C3orf70: variants seen among roughly 807,000 people sequenced by gnomAD.
C3orf70 encodes UPF0524 protein C3orf70.
In C3orf70, 15 loss-of-function variants were observed where a neutral mutation model predicts 20.7. The ratio of observed to expected loss-of-function variants is 0.72; its 90% CI spans 0.48 to 1.11. C3orf70 has a LOEUF of 1.11. C3orf70 is among the 50% of genes most tolerant of loss of function. C3orf70 has a pLI of 0.00. For synonymous variants in C3orf70, 161 were observed against 125.7 expected, an observed-to-expected ratio of 1.28 and a Z score of -1.88; for missense variants, 332 against 317.6, an observed-to-expected ratio of 1.05 and a Z score of -0.34.
intron 1 of C3orf70, among the ~76,000 whole-genome samples, chr3:185,125,796 A>G (rs1031012661): frequency 6.6e-6 from 1 of 152,216 alleles, no homozygotes; most frequent in Non-Finnish European, 1.5e-5. Context: ...GTATAATAAA[A>G]AGGTTGCATA....
At chr3:185,144,713 C>T (rs1179328083) in intron 1 of C3orf70, among the ~76,000 whole-genome samples, 1 of 49,922 alleles carries the variant, frequency 2.0e-5, no homozygotes, top group Non-Finnish European at 4.9e-5. Context: ...CTCAGGTGAT[C>T]CGCCTGCCTT....
intron 1 of C3orf70, among the ~76,000 whole-genome samples, chr3:185,117,324 T>C (rs1716195540): frequency 6.6e-6 from 1 of 150,416 alleles, no homozygotes; most frequent in African/African-American, 2.4e-5. Context: ...TTTCCTCCAA[T>C]TCAGTTATTG....
chr3:185,103,948 T>C (rs1410430715), intron 1 of C3orf70, among the ~76,000 whole-genome samples: 5 of 152,148 alleles, frequency 3.3e-5, no homozygotes, highest in African/African-American at 4.8e-5. Context: ...CCCACAGTTA[T>C]ACAAACAAGA....
rs1348208380 is a variant in C3orf70 at position 185,082,937 on chromosome 3, A to G, written c.*70T>C. The stretch of plus-strand genomic sequence containing the variant: ...GTAGAAAATATCAACAGCATTGGAA[A>G]AAAGGATCCACCAGACAAAGGTACA... On this transcript the variant is annotated 3_prime_UTR_variant, in exon 2 of 2. Transcript: ENST00000335012. 8 of 1,492,270 alleles carry G rather than the reference A, an allele frequency of 5.4e-6. No individual in the cohort carries two copies. The highest frequency in any genetic ancestry group is 7.3e-6 in the Non-Finnish European group (8 of 1,099,674). 92.4% of individuals were successfully genotyped at this position (1,492,270 alleles called of 1,614,324 possible).
intron 1 of C3orf70, among the ~76,000 whole-genome samples, chr3:185,109,603 A>G: frequency 6.6e-6 from 1 of 152,186 alleles, no homozygotes; most frequent in Non-Finnish European, 1.5e-5. Context: ...GTCAGTCACA[A>G]TGAATAATTT....
intron 1 of C3orf70, among the ~76,000 whole-genome samples, chr3:185,101,813 T>A (rs1288758592): frequency 2.6e-5 from 4 of 152,124 alleles, no homozygotes; most frequent in Non-Finnish European, 1.5e-5. Flanking sequence ...TACATGAGAT[T>A]TGGGTGGGGG....
chr3:185,087,626 A>G (rs1561327121), intron 1 of C3orf70, among the ~76,000 whole-genome samples: 2 of 152,172 alleles, frequency 1.3e-5, no homozygotes, highest in African/African-American at 4.8e-5. Flanking sequence ...ATAGAAACCG[A>G]AAGCAAGAGT....
chr3:185,143,511 T>TG lies in C3orf70; in HGVS notation c.196+9116dup, dbSNP rs574253936. On this transcript the variant is annotated intron_variant, in intron 1 of 1. Transcript: ENST00000335012. ...TGGGAAGGCATTGTACAGATACAGC[T>TG]GGGGGGGTGTTTGTATTATACATTG... 4.3e-3 allele frequency among the ~76,000 whole-genome samples: 655 copies of TG among 152,148 alleles called. 5 individuals are homozygous for TG. The highest frequency in any genetic ancestry group is 0.014 in the African/African-American group (599 of 41,512).
intron 1 of C3orf70, among the ~76,000 whole-genome samples, chr3:185,096,727 C>T (rs1242345711): frequency 6.6e-6 from 1 of 152,176 alleles, no homozygotes; most frequent in Non-Finnish European, 1.5e-5. Flanking sequence ...ACAGTCTTGG[C>T]TTGGCCTAGT....
chr3:185,095,286 T>G (rs1336774504), intron 1 of C3orf70, among the ~76,000 whole-genome samples: 29 of 152,204 alleles, frequency 1.9e-4, no homozygotes, highest in Non-Finnish European at 8.8e-5. Context: ...AAATCCATTT[T>G]GAGAACAATG....
chr3:185,123,882 T>C (rs1205618727), intron 1 of C3orf70, among the ~76,000 whole-genome samples: 1 of 152,188 alleles, frequency 6.6e-6, no homozygotes, highest in Admixed American at 6.5e-5. Flanking sequence ...AATTATATTT[T>C]CAGGATTTTG....
chr3:185,106,759 C>T (rs532067968), intron 1 of C3orf70, among the ~76,000 whole-genome samples: 22 of 152,306 alleles, frequency 1.4e-4, no homozygotes, highest in South Asian at 8.3e-4. Context: ...GGGAACCCCC[C>T]GCAAAAAGTT....
intron 1 of C3orf70, among the ~76,000 whole-genome samples, chr3:185,133,016 T>C (rs988520367): frequency 6.6e-6 from 1 of 152,230 alleles, no homozygotes; most frequent in African/African-American, 2.4e-5. Context: ...TGGAAGTCTA[T>C]CATACTGTCA....
chr3:185,144,632 C>A (rs1436039818), intron 1 of C3orf70, among the ~76,000 whole-genome samples: 2 of 152,158 alleles, frequency 1.3e-5, no homozygotes, highest in African/African-American at 4.8e-5. Context: ...CCACCATGCC[C>A]AGCTAATTTT....
chr3:185,100,387 G>C (rs910516687), intron 1 of C3orf70, among the ~76,000 whole-genome samples: 1 of 152,046 alleles, frequency 6.6e-6, no homozygotes, highest in South Asian at 2.1e-4. Context: ...TCAAAACTAA[G>C]AAATTCTGTC....
chr3:185,144,090 C>T (rs1320891267), intron 1 of C3orf70, among the ~76,000 whole-genome samples: 2 of 151,838 alleles, frequency 1.3e-5, no homozygotes, highest in Non-Finnish European at 2.9e-5. Context: ...ATATTCAAAA[C>T]ATGTATTTTT....
intron 1 of C3orf70, among the ~76,000 whole-genome samples, chr3:185,101,614 G>A (rs980289441): frequency 2.6e-5 from 4 of 152,156 alleles, no homozygotes; most frequent in African/African-American, 9.7e-5. Flanking sequence ...TGGGAAGCAG[G>A]TACATTTTCA....
chr3:185,120,095 C>A (rs1342744625), intron 1 of C3orf70, among the ~76,000 whole-genome samples: 2 of 151,230 alleles, frequency 1.3e-5, no homozygotes, highest in Non-Finnish European at 2.9e-5. Flanking sequence ...ATAATAACAG[C>A]ACTACAAATC....
chr3:185,145,036 T>C (rs969954377), intron 1 of C3orf70, among the ~76,000 whole-genome samples: 1 of 152,246 alleles, frequency 6.6e-6, no homozygotes, highest in Non-Finnish European at 1.5e-5. Flanking sequence ...TGCTGGACTA[T>C]ACTCTGCCTT....
Sources: gnomAD v4.1 joint callset for allele counts (sites outside exome capture counted in the v4.1 genomes callset) on GRCh38, gnomAD v4.1.1 for gene constraint, MANE v1.5 for transcripts, NCBI Gene and HGNC (gene_info 2026-07-23, HGNC 2026-07-21) for gene names.